The following PTPRG variants were observed in gnomAD, a reference collection of about 807,000 sequenced individuals.
The protein encoded by PTPRG is receptor-type tyrosine-protein phosphatase gamma.
PTPRG carries 102 observed loss-of-function variants against 165.3 expected under a neutral mutation model. That is an observed-to-expected ratio of 0.62 (90% CI 0.53 to 0.73). PTPRG has a LOEUF of 0.73. PTPRG is among the 30% of genes least tolerant of loss of function. The pLI is 0.00. For synonymous variants in PTPRG, 675 were observed against 669.5 expected (o/e 1.01, Z -0.13); for missense variants, 1,866 against 1,861.4 (o/e 1.00, Z -0.05).
Position 61,820,601 on chromosome 3 carries a change from C to CTTTTTTTTTTTT in PTPRG, c.190+71620_190+71621insTTTTTTTTTTTT, listed in dbSNP as rs2035921425. ...TTTTTAATTTCTTGTTCCTGTGTCT[C>CTTTTTTTTTTTT]TGTTTTTTTTTTTTTTTTTTTTTTT... On this transcript the variant is annotated intron_variant, in intron 2 of 29. Transcript: ENST00000474889. Among the ~76,000 whole-genome samples, 3 of 98,698 alleles carry CTTTTTTTTTTTT rather than the reference C, an allele frequency of 3.0e-5. No homozygotes were observed. In the South Asian group the frequency reaches 1.1e-3, roughly 37 times the overall value. 64.7% of individuals were successfully genotyped at this position (98,698 alleles called of 152,430 possible).
At chr3:61,641,597 T>A (rs1182257488) in intron 1 of PTPRG, among the ~76,000 whole-genome samples, 3 of 152,190 alleles carry the variant, frequency 2.0e-5, no homozygotes, top group African/African-American at 7.2e-5. Flanking sequence ...GTTATCGGCT[T>A]TTGTGTTTTG....
intron 4 of PTPRG, among the ~76,000 whole-genome samples, chr3:62,037,096 A>T (rs1699970354): frequency 6.6e-6 from 1 of 152,186 alleles, no homozygotes; most frequent in Non-Finnish European, 1.5e-5. Context: ...CAATGGCTTT[A>T]TCAGAGAAGT....
At chr3:61,944,131 C>G (rs1179248342) in intron 2 of PTPRG, among the ~76,000 whole-genome samples, 2 of 152,088 alleles carry the variant, frequency 1.3e-5, no homozygotes, top group Non-Finnish European at 2.9e-5. Context: ...AGGGGCTTTC[C>G]TGTGCCTTTT....
intron 1 of PTPRG, among the ~76,000 whole-genome samples, chr3:61,572,208 C>T (rs1326542968): frequency 6.6e-6 from 1 of 152,154 alleles, no homozygotes; most frequent in Non-Finnish European, 1.5e-5. Flanking sequence ...GTGAGTGGAA[C>T]TTGGTTAATG....
intron 1 of PTPRG, among the ~76,000 whole-genome samples, chr3:61,727,356 C>T (rs1024209091): frequency 1.3e-5 from 2 of 151,850 alleles, no homozygotes; most frequent in African/African-American, 4.8e-5. Context: ...GGGTTTTGGA[C>T]GGTTGGCCAG....
chr3:62,063,013 G>C (rs1033410107), intron 4 of PTPRG, among the ~76,000 whole-genome samples: 1 of 152,112 alleles, frequency 6.6e-6, no homozygotes, highest in Non-Finnish European at 1.5e-5. Context: ...ACTAGTGTAA[G>C]GTTATATTCA....
At chr3:61,647,913 T>C (rs1193301114) in intron 1 of PTPRG, among the ~76,000 whole-genome samples, 1 of 151,922 alleles carries the variant, frequency 6.6e-6, no homozygotes, top group African/African-American at 2.4e-5. Context: ...TTACGAAGTG[T>C]CCTGATTGTG....
At position 61,746,030 on chromosome 3, in the gene PTPRG, AC is replaced by A. The variant is rs1559588058; in HGVS notation, c.86-2847del. On this transcript the variant is annotated intron_variant, in intron 1 of 29. Coordinates refer to ENST00000474889, the MANE Select transcript of PTPRG (RefSeq NM_002841.4). ...TATTTTATTTTAGTTATTTTATTAAACTTTCTTTCTTTTTCTTTTCTTTTTT... is the reference window on the plus strand; with the variant it reads ...TATTTTATTTTAGTTATTTTATTAAATTTCTTTCTTTTTCTTTTCTTTTTT... Among the ~76,000 whole-genome samples the A allele has an allele frequency of 4.9e-5, 7 of 143,422 alleles. No individual in the cohort carries two copies. In the East Asian group the frequency reaches 8.5e-4, roughly 17 times the overall value. 94.1% of individuals were successfully genotyped at this position (143,422 alleles called of 152,430 possible).
At chr3:61,579,938 A>C (rs1700248500) in intron 1 of PTPRG, among the ~76,000 whole-genome samples, 1 of 152,214 alleles carries the variant, frequency 6.6e-6, no homozygotes, top group Non-Finnish European at 1.5e-5. Context: ...TCTTCAATAA[A>C]TGTCTTAGAA....
intron 1 of PTPRG, among the ~76,000 whole-genome samples, chr3:61,684,866 T>G (rs964837344): frequency 1.3e-5 from 2 of 152,154 alleles, no homozygotes; most frequent in South Asian, 2.1e-4. Context: ...TGAACCAATA[T>G]GGGGTGGTGA....
intron 1 of PTPRG, among the ~76,000 whole-genome samples, chr3:61,706,044 A>T (rs1435492736): frequency 6.6e-6 from 1 of 152,132 alleles, no homozygotes; most frequent in Non-Finnish European, 1.5e-5. Context: ...TGTCCTCCCC[A>T]CTTCGGGTCT....
chr3:61,962,259 T>A (rs1294621037), intron 2 of PTPRG, among the ~76,000 whole-genome samples: 1 of 152,236 alleles, frequency 6.6e-6, no homozygotes, highest in East Asian at 1.9e-4. Context: ...ATAGACTGTC[T>A]AAAAGGAATG....
chr3:61,923,627 G>C (rs950738951), intron 2 of PTPRG, among the ~76,000 whole-genome samples: 1 of 136,450 alleles, frequency 7.3e-6, no homozygotes, highest in South Asian at 2.3e-4. Context: ...TCATTGTTCA[G>C]TTCCCACCTA....
At chr3:61,815,659 C>A (rs1236531373) in intron 2 of PTPRG, among the ~76,000 whole-genome samples, 2 of 152,236 alleles carry the variant, frequency 1.3e-5, no homozygotes, top group Non-Finnish European at 2.9e-5. Context: ...ATTGTGAGTG[C>A]TTATTGAGAA....
chr3:61,865,561 T>C (rs149525312), intron 2 of PTPRG, among the ~76,000 whole-genome samples: 81 of 152,236 alleles, frequency 5.3e-4, no homozygotes, highest in African/African-American at 1.9e-3. Context: ...GAATTAAGGG[T>C]ACTACCTTCA....
intron 2 of PTPRG, among the ~76,000 whole-genome samples, chr3:61,894,692 C>T (rs1469300546): frequency 2.6e-5 from 4 of 152,142 alleles, no homozygotes; most frequent in Non-Finnish European, 5.9e-5. Flanking sequence ...GGCTTTATGG[C>T]TCCAGCAATG....
chr3:61,768,060 A>G (rs756188004), intron 2 of PTPRG, among the ~76,000 whole-genome samples: 1 of 152,136 alleles, frequency 6.6e-6, no homozygotes, highest in African/African-American at 2.4e-5. Flanking sequence ...AGGATAGGAA[A>G]TATAATAATT....
intron 2 of PTPRG, among the ~76,000 whole-genome samples, chr3:61,971,609 T>G (rs11925581): frequency 0.021 from 3,212 of 152,322 alleles, 114 homozygotes; most frequent in African/African-American, 0.072. Context: ...GCTTCAAAAC[T>G]GTTCCTAGAA....
intron 1 of PTPRG, among the ~76,000 whole-genome samples, chr3:61,590,457 G>A (rs979727618): frequency 6.6e-6 from 1 of 152,128 alleles, no homozygotes; most frequent in Non-Finnish European, 1.5e-5. Flanking sequence ...CTGGGAGGTG[G>A]AGATTGTGGT....
Sources: allele counts gnomAD v4.1 joint callset (sites outside exome capture counted in the v4.1 genomes callset), GRCh38; gene constraint gnomAD v4.1.1; transcripts MANE v1.5; gene names NCBI Gene and HGNC (gene_info 2026-07-23, HGNC 2026-07-21).